The following ATM variants were observed in gnomAD, a reference collection of about 807,000 sequenced individuals.
ATM encodes serine-protein kinase ATM.
A neutral mutation model predicts 387.0 loss-of-function variants in ATM; 308 were observed. The observed-to-expected ratio is 0.80, with a 90% confidence interval of 0.73 to 0.87. The LOEUF (loss-of-function observed/expected upper bound fraction) is 0.87. ATM is among the 40% of genes least tolerant of loss of function. The pLI is 0.00. For synonymous variants in ATM, 1,156 were observed against 1,187.3 expected (o/e 0.97, Z 0.54); for missense variants, 3,312 against 3,560.9 (o/e 0.93, Z 1.78).
At chr11:108,264,671 A>G (rs568674323) in intron 16 of ATM, among the ~76,000 whole-genome samples, 4 of 139,630 alleles carry the variant, frequency 2.9e-5, no homozygotes, top group South Asian at 5.0e-4. Context: ...GTATTCAATT[A>G]GGAAAAGAGG....
At chr11:108,246,547 A>G (rs1370552851) in intron 7 of ATM, among the ~76,000 whole-genome samples, 5 of 152,268 alleles carry the variant, frequency 3.3e-5, no homozygotes, top group Non-Finnish European at 2.9e-5. Context: ...GTCTTGGGAA[A>G]GATGACTGAA....
chr11:108,247,726 G>A (rs1021236545), intron 8 of ATM, among the ~76,000 whole-genome samples: 3 of 152,072 alleles, frequency 2.0e-5, no homozygotes, highest in Non-Finnish European at 2.9e-5. Context: ...CTCCCGAGTA[G>A]CTGGGACTAC....
chr11:108,297,789 A>G (rs2083206592), intron 33 of ATM, among the ~76,000 whole-genome samples: 1 of 152,170 alleles, frequency 6.6e-6, no homozygotes, highest in African/African-American at 2.4e-5. Flanking sequence ...TTACATGCCT[A>G]TTTAATTAAA....
At chr11:108,337,310 A>G (rs939836368) in intron 56 of ATM, among the ~76,000 whole-genome samples, 7 of 152,200 alleles carry the variant, frequency 4.6e-5, no homozygotes, top group African/African-American at 1.7e-4. Flanking sequence ...AATAATAACT[A>G]ACATAATAGA....
Position 108,365,432 on chromosome 11 carries a change from T to A in ATM, c.9095T>A (p.Val3032Glu), listed in dbSNP as rs2137920764. 6.2e-7 allele frequency: 1 copy of A among 1,614,158 alleles called. No homozygotes were observed. Residue 3032 changes from valine (V) to glutamate (E), a missense_variant, in exon 63 of 63, where the codon GTG becomes GAG. This residue lies in a region of ATM where 95 missense variants were observed against 100.3 expected (regional missense o/e 0.95). Coordinates refer to ENST00000675843, the MANE Select transcript of ATM (RefSeq NM_000051.4). ...EGTVLSVGGQ[V>E]NLLIQQAIDP... Reference sequence around the variant, plus strand: ...ACTGTGCTCAGTGTTGGTGGACAAGTGAATTTGCTCATACAGCAGGCCATA... The same window carrying A: ...ACTGTGCTCAGTGTTGGTGGACAAGAGAATTTGCTCATACAGCAGGCCATA...
In ATM at chr11:108,367,728, A is replaced by G. The variant is rs75293772; in HGVS notation, c.*2220A>G. ...TGATCTCCTCACCTTCCCCTCCCCT[A>G]AAACCAATCTCCAGAACTTTTTGGA... On this transcript the variant is annotated 3_prime_UTR_variant, in exon 63 of 63. Transcript: ENST00000675843. 3,950 of 217,060 alleles carry G rather than the reference A, an allele frequency of 0.018. 108 individuals are homozygous for G. Among genetic ancestry groups the G allele is most frequent in the African/African-American group, 0.069 (3,073 of 44,480 alleles). The allele number at this position is 217,060 out of a possible 1,614,324, so 13.4% of individuals were successfully genotyped here. A position where few individuals can be genotyped will look rare whatever the true frequency, so the allele number is the denominator to read the frequency against.
Position 108,250,683 on chromosome 11 carries a change from C to CTT in ATM, c.1236-4_1236-3dup, listed in dbSNP as rs34325032. 6.1e-3 allele frequency: 9,161 copies of CTT among 1,498,416 alleles called. No individual in the cohort carries two copies. Among genetic ancestry groups the CTT allele is most frequent in the South Asian group, 7.8e-3 (652 of 83,058 alleles). The allele number at this position is 1,498,416 out of a possible 1,614,324, so 92.8% of individuals were successfully genotyped here. On this transcript the variant is annotated splice_polypyrimidine_tract_variant and intron_variant, in intron 9 of 62. Coordinates refer to ENST00000675843, the MANE Select transcript of ATM (RefSeq NM_000051.4). The stretch of plus-strand genomic sequence containing the variant: ...GTGATGGAATAGTTTTCAAATTATC[C>CTT]TTTTTTTTTTTTTTTAGGCTACAGA...
intron 18 of ATM, among the ~76,000 whole-genome samples, chr11:108,270,626 A>G (rs900507678): frequency 6.6e-6 from 1 of 151,684 alleles, no homozygotes; most frequent in African/African-American, 2.4e-5. Context: ...TTTACTATAC[A>G]CCTCTTAAAT....
intron 54 of ATM, 68 bp from the exon 55 acceptor site, chr11:108,334,901 A>G: frequency 6.6e-7 from 1 of 1,520,430 alleles, no homozygotes; most frequent in Non-Finnish European, 9.1e-7. Context: ...TGCCATTTAT[A>G]ATGTATTTTT....
intron 16 of ATM, 29 bp downstream of exon 16, chr11:108,259,104 A>G: frequency 6.4e-7 from 1 of 1,568,836 alleles, no homozygotes; most frequent in Admixed American, 1.7e-5. Context: ...TTGCTATCAT[A>G]TTTTGATTCT....
At chr11:108,335,396 G>A (rs1264209670) in intron 55 of ATM, 23 of 825,990 alleles carry the variant, frequency 2.8e-5, no homozygotes, top group Non-Finnish European at 4.0e-5. Flanking sequence ...AAATACTTTG[G>A]TGTCTGTCTC....
chr11:108,272,926 C>A lies in ATM; in HGVS notation c.3284+74C>A, dbSNP rs149412293. ...TAGAATGTCTTACATAGTAACAGCT[C>A]ACAGTTGCAATATTAAAAATAGCTA... On this transcript the variant is annotated intron_variant, in intron 22 of 62. Coordinates refer to ENST00000675843, the MANE Select transcript of ATM (RefSeq NM_000051.4). The A allele has an allele frequency of 9.9e-5, 157 of 1,580,750 alleles. No individual in the cohort carries two copies. In the African/African-American group the frequency reaches 1.7e-3, roughly 17 times the overall value.
At chr11:108,286,734 T>C (rs938743611) in intron 26 of ATM, among the ~76,000 whole-genome samples, 8 of 152,108 alleles carry the variant, frequency 5.3e-5, no homozygotes, top group African/African-American at 1.9e-4. Context: ...TGACCTTAGG[T>C]TCCCTGCCTC....
intron 61 of ATM, among the ~76,000 whole-genome samples, chr11:108,358,371 G>A (rs1268694380): frequency 2.0e-5 from 3 of 146,456 alleles, no homozygotes; most frequent in Non-Finnish European, 4.5e-5. Flanking sequence ...AAAACACTCT[G>A]CAGGATATTA....
rs763431129 is a variant in ATM, at chr11:108,325,466, A to G, written c.6729A>G (p.Gln2243=). ...ILMEKEMDNS[Q]RECIKDILTK... is the part of the protein sequence containing the mutation. Reference sequence around the variant, plus strand: ...TGGAAAAGGAAATGGACAACTCACAAAGAGAATGTATTAAGGACATTCTCA... The same window carrying G: ...TGGAAAAGGAAATGGACAACTCACAGAGAGAATGTATTAAGGACATTCTCA... Residue 2243 remains glutamine (Q), a synonymous_variant, in exon 46 of 63, where the codon CAA becomes CAG. Coordinates refer to ENST00000675843, the MANE Select transcript of ATM (RefSeq NM_000051.4). The G allele has an allele frequency of 1.9e-6, 3 of 1,613,748 alleles. No homozygotes were observed. Among genetic ancestry groups the G allele is most frequent in the Non-Finnish European group, 2.5e-6 (3 of 1,179,892 alleles).
chr11:108,229,192 A>G lies in ATM; in HGVS notation c.200A>G (p.Tyr67Cys), dbSNP rs754033733. Residue 67 changes from tyrosine to cysteine, a missense_variant, in exon 4 of 63, where the codon TAT becomes TGT. Around this residue, in one of 4 missense-constraint regions of ATM, gnomAD observed 1,791 missense variants for 1,804.5 expected, o/e 0.99. Coordinates refer to ENST00000675843, the MANE Select transcript of ATM (RefSeq NM_000051.4). ...TTTTCTTGAAGATTTTTACAGAAAT[A>G]TATTCAGAAAGAAACAGAATGTCTG... Reference protein sequence around the residue: ...WDAVFRFLQKYIQKETECLRI... With the variant: ...WDAVFRFLQKCIQKETECLRI... 4.3e-6 allele frequency: 7 copies of G among 1,612,378 alleles called. No individual in the cohort carries two copies. The highest frequency in any genetic ancestry group is 1.7e-5 in the Admixed American group (1 of 59,922).
At chr11:108,330,524 T>G in intron 50 of ATM, 103 bp downstream of exon 50, 1 of 1,157,450 alleles carries the variant, frequency 8.6e-7, no homozygotes, top group South Asian at 1.2e-5. Flanking sequence ...TCCTAGCACT[T>G]GGTCCAGTGC....
intron 58 of ATM, among the ~76,000 whole-genome samples, chr11:108,346,253 T>G (rs1049975936): frequency 1.3e-5 from 2 of 152,166 alleles, no homozygotes; most frequent in Admixed American, 1.3e-4. Flanking sequence ...CTGTGATAAC[T>G]TATTTCCTTT....
intron 16 of ATM, among the ~76,000 whole-genome samples, chr11:108,266,496 GA>G (rs2081249650): frequency 9.3e-6 from 1 of 107,910 alleles, no homozygotes; most frequent in Non-Finnish European, 1.8e-5. Flanking sequence ...GGGGTGGGGG[GA>G]GGGGGGAGGG....
Sources: gnomAD v4.1 joint callset for allele counts (sites outside exome capture counted in the v4.1 genomes callset) on GRCh38, gnomAD v4.1.1 for gene constraint, gnomAD v4.1.1 regional missense constraint, MANE v1.5 for transcripts, NCBI Gene and HGNC (gene_info 2026-07-23, HGNC 2026-07-21) for gene names.